PXDNL: variants seen among roughly 807,000 people sequenced by gnomAD.
PXDNL encodes the protein probable oxidoreductase PXDNL.
A neutral mutation model predicts 150.8 loss-of-function variants in PXDNL; 145 were observed. That is an observed-to-expected ratio of 0.96 (90% CI 0.84 to 1.10). The LOEUF is 1.10. PXDNL is among the 50% of genes least tolerant of loss of function. PXDNL has a pLI of 0.00. For missense variants in PXDNL, 2,087 were observed against 1,873.9 expected (o/e 1.11, Z -2.10); for synonymous variants, 757 against 725.7 (o/e 1.04, Z -0.69).
At chr8:51,389,349 C>A (rs1355029127) in intron 17 of PXDNL, among the ~76,000 whole-genome samples, 1 of 152,092 alleles carries the variant, frequency 6.6e-6, no homozygotes. Flanking sequence ...GGCTGGGATT[C>A]GAATTTCAAA....
chr8:51,605,673 G>GGA (rs1813824338), intron 2 of PXDNL, among the ~76,000 whole-genome samples: 1 of 152,142 alleles, frequency 6.6e-6, no homozygotes, highest in Non-Finnish European at 1.5e-5. Context: ...TGTTGGATTT[G>GGA]AATGTGTCCC....
At chr8:51,546,623 C>G (rs1812365810) in intron 4 of PXDNL, among the ~76,000 whole-genome samples, 1 of 152,126 alleles carries the variant, frequency 6.6e-6, no homozygotes, top group African/African-American at 2.4e-5. Flanking sequence ...TGAACAAAAT[C>G]TGGGGTGGAG....
intron 6 of PXDNL, among the ~76,000 whole-genome samples, chr8:51,483,411 T>G (rs1446388001): frequency 6.6e-6 from 1 of 152,184 alleles, no homozygotes; most frequent in Non-Finnish European, 1.5e-5. Flanking sequence ...GAGGAAAACG[T>G]CTATTTTCAA....
chr8:51,561,520 A>G (rs1563465143), intron 3 of PXDNL, among the ~76,000 whole-genome samples: 1 of 151,736 alleles, frequency 6.6e-6, no homozygotes, highest in African/African-American at 2.4e-5. Context: ...TACTAAAAAA[A>G]TTTTGAATTA....
intron 1 of PXDNL, among the ~76,000 whole-genome samples, chr8:51,667,159 C>A (rs79928334): frequency 6.6e-6 from 1 of 152,124 alleles, no homozygotes; most frequent in Admixed American, 6.5e-5. Context: ...TGATCTCTTC[C>A]GTAAAGCCTT....
intron 2 of PXDNL, among the ~76,000 whole-genome samples, chr8:51,648,927 T>C (rs1051632015): frequency 1.3e-5 from 2 of 152,162 alleles, no homozygotes; most frequent in African/African-American, 4.8e-5. Context: ...AACAACATAA[T>C]AAAAAATTAC....
At chr8:51,400,680 T>C (rs1173343516) in intron 17 of PXDNL, among the ~76,000 whole-genome samples, 1 of 152,214 alleles carries the variant, frequency 6.6e-6, no homozygotes, top group Non-Finnish European at 1.5e-5. Context: ...GTCTATAGTG[T>C]TGACAGAATG....
At chr8:51,421,093 A>C (rs1808939534) in intron 14 of PXDNL, among the ~76,000 whole-genome samples, 1 of 152,220 alleles carries the variant, frequency 6.6e-6, no homozygotes, top group Admixed American at 6.5e-5. Context: ...TTTCACTGAG[A>C]TTACAGTGCT....
At chr8:51,648,157 C>G (rs981246580) in intron 2 of PXDNL, among the ~76,000 whole-genome samples, 1 of 152,128 alleles carries the variant, frequency 6.6e-6, no homozygotes, top group Non-Finnish European at 1.5e-5. Flanking sequence ...TTACTACCAC[C>G]GCCAATCATA....
intron 11 of PXDNL, among the ~76,000 whole-genome samples, chr8:51,448,676 G>A (rs917493276): frequency 6.7e-6 from 1 of 150,360 alleles, no homozygotes; most frequent in African/African-American, 2.5e-5. Flanking sequence ...CTCCAGCCTG[G>A]GCGACAGAAC....
chr8:51,690,163 CT>C (rs1387809753), intron 1 of PXDNL, among the ~76,000 whole-genome samples: 1 of 152,070 alleles, frequency 6.6e-6, no homozygotes, highest in African/African-American at 2.4e-5. Flanking sequence ...TACTGTTTTT[CT>C]TTTTTTGTTG....
rs1813221910 is a variant in PXDNL at position 51,582,017 on chromosome 8, A to G, written c.308+10610T>C. ...TTTTTAAAGCAGGCTACAAAATGAT[A>G]TAATTTTTTAAATGTATGTGTATAT... On this transcript the variant is annotated intron_variant, in intron 3 of 22. Transcript: ENST00000356297. Among the ~76,000 whole-genome samples the G allele has an allele frequency of 2.0e-5, 3 of 150,890 alleles. No homozygotes were observed. The South Asian group carries it at 6.2e-4, about 31-fold the overall frequency.
chr8:51,646,549 C>T (rs6981313), intron 2 of PXDNL, among the ~76,000 whole-genome samples: 102,310 of 151,976 alleles, frequency 0.67, 35,141 homozygotes, highest in Non-Finnish European at 0.74. Flanking sequence ...TGGGGCACTT[C>T]CATGGCAGCC....
intron 1 of PXDNL, among the ~76,000 whole-genome samples, chr8:51,748,430 G>T (rs1384826675): frequency 6.6e-6 from 1 of 152,166 alleles, no homozygotes; most frequent in Non-Finnish European, 1.5e-5. Flanking sequence ...GCTCCAGACG[G>T]TGAGCAGCTC....
intron 2 of PXDNL, among the ~76,000 whole-genome samples, chr8:51,596,037 C>A (rs1363983266): frequency 6.6e-6 from 1 of 152,076 alleles, no homozygotes; most frequent in East Asian, 1.9e-4. Context: ...GTTTTCCAGC[C>A]CTTGCCACCC....
chr8:51,513,251 C>CTT (rs1231983999), intron 4 of PXDNL, among the ~76,000 whole-genome samples: 1 of 152,144 alleles, frequency 6.6e-6, no homozygotes, highest in African/African-American at 2.4e-5. Flanking sequence ...AGGCTGTGCA[C>CTT]TTGCAGGCAG....
intron 1 of PXDNL, among the ~76,000 whole-genome samples, chr8:51,776,176 G>A (rs7015699): frequency 0.038 from 5,850 of 152,106 alleles, 352 homozygotes; most frequent in African/African-American, 0.13. Flanking sequence ...ATGACAATGC[G>A]TGCCCAAAAC....
chr8:51,372,849 G>A (rs541382986), intron 18 of PXDNL, among the ~76,000 whole-genome samples: 5 of 152,138 alleles, frequency 3.3e-5, no homozygotes, highest in Admixed American at 6.6e-5. Flanking sequence ...TTAAATGAAA[G>A]GATACAATCA....
chr8:51,446,909 T>C, intron 12 of PXDNL, 95 bp downstream of exon 12: 1 of 948,132 alleles, frequency 1.1e-6, no homozygotes, highest in Non-Finnish European at 1.6e-6. Context: ...TATATATATA[T>C]AGTCATATAT....
Sources: gnomAD v4.1 joint callset for allele counts (sites outside exome capture counted in the v4.1 genomes callset) on GRCh38, gnomAD v4.1.1 for gene constraint, MANE v1.5 for transcripts, NCBI Gene and HGNC (gene_info 2026-07-23, HGNC 2026-07-21) for gene names.